The following FAM135B variants were observed in gnomAD, a reference collection of about 807,000 sequenced individuals.
The protein encoded by FAM135B is family with sequence similarity 135 member B, also known as protein FAM135B.
A neutral mutation model predicts 127.7 loss-of-function variants in FAM135B; 43 were observed. That is an observed-to-expected ratio of 0.34 (90% CI 0.26 to 0.43). FAM135B has a LOEUF of 0.43. Among genes scored for constraint, FAM135B ranks in the 20% least tolerant of loss-of-function variants. FAM135B has a pLI of 1.00. For synonymous variants in FAM135B, 670 were observed against 665.1 expected (o/e 1.01, Z -0.11); for missense variants, 1,558 against 1,725.6 (o/e 0.90, Z 1.72).
In FAM135B at chr8:138,166,579, T is replaced by C. The variant is rs544503139; in HGVS notation, c.1258+1316A>G. On this transcript the variant is annotated intron_variant, in intron 12 of 19. Transcript: ENST00000395297. ...AAAGGATGTATAACAGAACCAGTTT[T>C]ACCATAGGCTAATTGATATAAACAA... Among the ~76,000 whole-genome samples, 3 of 152,308 alleles carry C rather than the reference T, an allele frequency of 2.0e-5. No homozygotes were observed. In the East Asian group the frequency reaches 5.8e-4, roughly 29 times the overall value.
chr8:138,320,412 G>T (rs1318265150), intron 2 of FAM135B, among the ~76,000 whole-genome samples: 2 of 152,322 alleles, frequency 1.3e-5, no homozygotes, highest in Non-Finnish European at 1.5e-5. Context: ...GGAAGGCAAA[G>T]CCAGGTGCTT....
intron 9 of FAM135B, among the ~76,000 whole-genome samples, chr8:138,189,444 G>A (rs150088935): frequency 5.8e-4 from 88 of 152,328 alleles, no homozygotes; most frequent in African/African-American, 2.0e-3. Context: ...CTGTTTTACC[G>A]TCTGCCCTCA....
chr8:138,297,036 C>T (rs1825525270), intron 3 of FAM135B, among the ~76,000 whole-genome samples: 1 of 152,050 alleles, frequency 6.6e-6, no homozygotes, highest in African/African-American at 2.4e-5. Context: ...CTGTGCTGAG[C>T]GATGTGACCC....
In FAM135B at chr8:138,177,437, T is replaced by C. The variant is rs1415461923; in HGVS notation, c.1030-17A>G. The stretch of plus-strand genomic sequence containing the variant: ...CCTTCGGACCTGCAGAATAAAACAA[T>C]GTAAACAGTTCAATTCTTTAGGTAG... On this transcript the variant is annotated splice_polypyrimidine_tract_variant and intron_variant, in intron 10 of 19. Transcript: ENST00000395297. 1 of 1,606,290 alleles carries C rather than the reference T, an allele frequency of 6.2e-7. No homozygotes were observed. The highest frequency in any genetic ancestry group is 8.5e-7 in the Non-Finnish European group (1 of 1,175,176).
At chr8:138,318,212 A>G (rs1827219650) in intron 2 of FAM135B, among the ~76,000 whole-genome samples, 1 of 152,212 alleles carries the variant, frequency 6.6e-6, no homozygotes, top group African/African-American at 2.4e-5. Flanking sequence ...CACAAATACA[A>G]GATGTTACTT....
intron 3 of FAM135B, among the ~76,000 whole-genome samples, chr8:138,283,041 C>T (rs1454582833): frequency 1.3e-5 from 2 of 152,080 alleles, no homozygotes; most frequent in African/African-American, 4.8e-5. Context: ...GCTGGGATTA[C>T]AGGCACGTGC....
chr8:138,276,018 G>A (rs1298840724), intron 3 of FAM135B, among the ~76,000 whole-genome samples: 2 of 152,140 alleles, frequency 1.3e-5, no homozygotes, highest in Non-Finnish European at 2.9e-5. Flanking sequence ...TCTATTTCCC[G>A]CTATGTCCTC....
chr8:138,351,986 G>A (rs1050957361), intron 2 of FAM135B, among the ~76,000 whole-genome samples: 4 of 152,036 alleles, frequency 2.6e-5, no homozygotes, highest in East Asian at 1.9e-4. Flanking sequence ...CACTACGTTC[G>A]ACCAGATTAT....
At chr8:138,412,579 C>G (rs1336566395) in intron 1 of FAM135B, among the ~76,000 whole-genome samples, 2 of 152,130 alleles carry the variant, frequency 1.3e-5, no homozygotes, top group East Asian at 3.9e-4. Flanking sequence ...GAATCTGGTC[C>G]GACTTTGCTT....
At position 138,137,260 on chromosome 8, in the gene FAM135B, C is replaced by T. The variant is rs1301337423; in HGVS notation, c.3902G>A (p.Gly1301Glu). Residue 1301 changes from glycine (G) to glutamate (E), a missense_variant and splice_region_variant, in exon 19 of 20, where the codon GGG (glycine) becomes GAG (glutamate). Physicochemically the swap from Gly to Glu is moderately conservative, Grantham distance 98. Transcript: ENST00000395297. ...CFLYQLSQKT[G>E]LQYFKNVVLV... ...CACGACGTTTTTAAAATACTGCAGCCCTGTAAAAATTAGCCAGATGAGTGC... is the reference window on the plus strand; with the variant it reads ...CACGACGTTTTTAAAATACTGCAGCTCTGTAAAAATTAGCCAGATGAGTGC... The T allele has an allele frequency of 1.3e-6, 2 of 1,561,524 alleles. No homozygotes were observed. The highest frequency in any genetic ancestry group is 8.8e-7 in the Non-Finnish European group (1 of 1,132,326).
intron 12 of FAM135B, among the ~76,000 whole-genome samples, chr8:138,155,587 A>C (rs1336799334): frequency 6.6e-6 from 1 of 152,194 alleles, no homozygotes; most frequent in Non-Finnish European, 1.5e-5. Context: ...CTCAAAATAA[A>C]GGGATGGAGG....
At chr8:138,230,667 A>G (rs1819839669) in intron 7 of FAM135B, among the ~76,000 whole-genome samples, 5 of 152,060 alleles carry the variant, frequency 3.3e-5, no homozygotes, top group Admixed American at 3.3e-4. Flanking sequence ...GAGACTGTTC[A>G]CCATTATTCT....
chr8:138,240,570 C>T (rs1820677486), intron 7 of FAM135B, among the ~76,000 whole-genome samples: 1 of 152,174 alleles, frequency 6.6e-6, no homozygotes, highest in South Asian at 2.1e-4. Flanking sequence ...TTATTGAGCA[C>T]TGAGTATGGC....
chr8:138,201,437 G>GA (rs1160692101), intron 7 of FAM135B, among the ~76,000 whole-genome samples: 6 of 150,282 alleles, frequency 4.0e-5, no homozygotes, highest in African/African-American at 1.2e-4. Context: ...GAGAAATCCT[G>GA]AAAAAAAAAT....
At chr8:138,314,722 A>AATAAATAAATAG (rs1826945693) in intron 2 of FAM135B, among the ~76,000 whole-genome samples, 1 of 150,690 alleles carries the variant, frequency 6.6e-6, no homozygotes, top group Admixed American at 6.6e-5. Context: ...TAAATAAATA[A>AATAAATAAATAG]ATTAGCTGGG....
chr8:138,364,189 T>C (rs1303766492), intron 2 of FAM135B, among the ~76,000 whole-genome samples: 1 of 152,154 alleles, frequency 6.6e-6, no homozygotes, highest in Non-Finnish European at 1.5e-5. Context: ...ATTTTAAGCA[T>C]AGCTCCTGTG....
chr8:138,344,293 C>T (rs1829250531), intron 2 of FAM135B, among the ~76,000 whole-genome samples: 1 of 152,204 alleles, frequency 6.6e-6, no homozygotes, highest in South Asian at 2.1e-4. Flanking sequence ...GGCAAGGTGG[C>T]CAATGCAGTG....
At chr8:138,225,541 G>GT (rs1280181870) in intron 7 of FAM135B, among the ~76,000 whole-genome samples, 2 of 152,056 alleles carry the variant, frequency 1.3e-5, no homozygotes, top group African/African-American at 4.8e-5. Flanking sequence ...GTGTAGGTGT[G>GT]TGTGTGTGTG....
At chr8:138,408,721 G>C (rs1448623712) in intron 1 of FAM135B, among the ~76,000 whole-genome samples, 1 of 152,076 alleles carries the variant, frequency 6.6e-6, no homozygotes, top group Non-Finnish European at 1.5e-5. Context: ...GAGCACAGGG[G>C]AACTGCCACT....
Sources: gnomAD v4.1 joint callset for allele counts (sites outside exome capture counted in the v4.1 genomes callset) on GRCh38, gnomAD v4.1.1 for gene constraint, MANE v1.5 for transcripts, NCBI Gene and HGNC (gene_info 2026-07-23, HGNC 2026-07-21) for gene names.